Variants in TRPM3 observed in about 807,000 individuals in gnomAD.
TRPM3 encodes the protein transient receptor potential cation channel subfamily M member 3, also known as long transient receptor potential channel 3.
Under a neutral mutation model 181.2 loss-of-function variants are expected in TRPM3, and 77 were observed. The observed-to-expected ratio is 0.42, with a 90% CI of 0.35 to 0.51. TRPM3 has a LOEUF of 0.51. Ranked by LOEUF, TRPM3 falls within the 20% of genes least tolerant of loss-of-function variation. The pLI, the probability that TRPM3 is intolerant of heterozygous loss-of-function variation, is 0.01. For synonymous variants in TRPM3, 745 were observed against 796.4 expected (o/e 0.94, Z 1.09); for missense variants, 1,759 against 2,196.7 (o/e 0.80, Z 3.98).
At chr9:71,194,359 T>C (rs2078215067) in intron 1 of TRPM3, among the ~76,000 whole-genome samples, 2 of 151,904 alleles carry the variant, frequency 1.3e-5, no homozygotes, top group Non-Finnish European at 2.9e-5. Flanking sequence ...CCTTGATACA[T>C]AGCTAGACTA....
intron 1 of TRPM3, among the ~76,000 whole-genome samples, chr9:70,940,302 G>A (rs2096873053): frequency 1.3e-5 from 2 of 152,146 alleles, no homozygotes; most frequent in African/African-American, 4.8e-5. Flanking sequence ...CTACAAAGTC[G>A]TAAAGCTGGT....
chr9:71,272,156 A>G (rs532745513), intron 1 of TRPM3, among the ~76,000 whole-genome samples: 2 of 152,288 alleles, frequency 1.3e-5, no homozygotes, highest in African/African-American at 2.4e-5. Flanking sequence ...GTGTTTGGGT[A>G]TGGGGTTATG....
At position 70,940,079 on chromosome 9, in the gene TRPM3, C is replaced by G. The variant is rs184383373; in HGVS notation, c.178-75568G>C. 2.0e-3 allele frequency among the ~76,000 whole-genome samples: 301 copies of G among 152,216 alleles called. 1 individual carries two copies. The highest frequency in any genetic ancestry group is 7.0e-3 in the African/African-American group (290 of 41,540). ...TTAGGGTTCCTGCAGGTGCTGGAGC[C>G]CTTCCTTATAAGGAGCTTTTTATGT... is the stretch of plus-strand genomic sequence containing the variant. On this transcript the variant is annotated intron_variant, in intron 1 of 25. Coordinates refer to ENST00000677713, the MANE Select transcript of TRPM3 (RefSeq NM_001366145.2).
chr9:71,317,983 C>T (rs1565456592), intron 1 of TRPM3, among the ~76,000 whole-genome samples: 1 of 152,112 alleles, frequency 6.6e-6, no homozygotes, highest in Non-Finnish European at 1.5e-5. Flanking sequence ...TGAATGGTGT[C>T]TCATGCCTGT....
intron 6 of TRPM3, among the ~76,000 whole-genome samples, chr9:70,806,012 C>T (rs948387264): frequency 3.3e-5 from 5 of 152,180 alleles, no homozygotes; most frequent in African/African-American, 1.2e-4. Flanking sequence ...TTCAATCTTC[C>T]TCCCTGTTTT....
At chr9:70,849,987 G>A (rs936415319) in intron 3 of TRPM3, among the ~76,000 whole-genome samples, 4 of 151,952 alleles carry the variant, frequency 2.6e-5, no homozygotes, top group Admixed American at 6.6e-5. Flanking sequence ...AAAATAAACC[G>A]CACCATCAAG....
intron 6 of TRPM3, among the ~76,000 whole-genome samples, chr9:70,814,892 T>C (rs2092543900): frequency 6.6e-6 from 1 of 151,040 alleles, no homozygotes; most frequent in Non-Finnish European, 1.5e-5. Flanking sequence ...TCCCTCCCTC[T>C]TTCCCTCCCC....
intron 1 of TRPM3, among the ~76,000 whole-genome samples, chr9:71,381,529 G>A (rs2132874165): frequency 6.6e-6 from 1 of 152,270 alleles, no homozygotes; most frequent in Admixed American, 6.5e-5. Flanking sequence ...GATATCTGCG[G>A]CTGCATTAAA....
chr9:71,386,653 C>G lies in TRPM3; in HGVS notation c.183+60000G>C, dbSNP rs956229825. Among the ~76,000 whole-genome samples the G allele has an allele frequency of 3.9e-5, 6 of 151,960 alleles. 1 individual carries two copies. The highest frequency in any genetic ancestry group is 3.9e-4 in the Admixed American group (6 of 15,252). On this transcript the variant is annotated intron_variant, in intron 1 of 24. Transcript: ENST00000357533. ...TTGATTTTCATGCTGCAATGGTAATCCCTAAATAATTATTACTATATGATA... is the reference window on the plus strand; with the variant it reads ...TTGATTTTCATGCTGCAATGGTAATGCCTAAATAATTATTACTATATGATA...
intron 1 of TRPM3, among the ~76,000 whole-genome samples, chr9:71,060,678 TC>T (rs1272618612): frequency 6.6e-6 from 1 of 152,136 alleles, no homozygotes; most frequent in Non-Finnish European, 1.5e-5. Context: ...TTTGCTTGAC[TC>T]CTTTCTATCC....
intron 1 of TRPM3, among the ~76,000 whole-genome samples, chr9:71,365,674 C>A (rs2092312278): frequency 2.0e-5 from 3 of 152,246 alleles, no homozygotes; most frequent in Admixed American, 1.3e-4. Flanking sequence ...GGTATAATGA[C>A]AGAAGAATCT....
chr9:70,761,335 T>C, intron 8 of TRPM3: 1 of 625,886 alleles, frequency 1.6e-6, no homozygotes, highest in Non-Finnish European at 2.9e-6. Flanking sequence ...CTTCAACTCA[T>C]TTTGTTGAGG....
At chr9:71,054,992 A>G (rs1199993813) in intron 1 of TRPM3, among the ~76,000 whole-genome samples, 6 of 152,154 alleles carry the variant, frequency 3.9e-5, no homozygotes, top group Non-Finnish European at 8.8e-5. Context: ...AGCACTCAAC[A>G]AATGTTAACT....
At chr9:70,900,997 T>C (rs924891713) in intron 1 of TRPM3, among the ~76,000 whole-genome samples, 10 of 152,250 alleles carry the variant, frequency 6.6e-5, no homozygotes, top group Admixed American at 4.6e-4. Context: ...TTTTCTCTCA[T>C]TTGTTTTCAA....
chr9:71,230,374 A>G (rs2080973867), intron 1 of TRPM3, among the ~76,000 whole-genome samples: 1 of 152,174 alleles, frequency 6.6e-6, no homozygotes, highest in African/African-American at 2.4e-5. Context: ...ACAAAAAAAT[A>G]GAAAATATGA....
intron 7 of TRPM3, among the ~76,000 whole-genome samples, chr9:70,782,462 T>C (rs1483407859): frequency 6.6e-6 from 1 of 152,196 alleles, no homozygotes; most frequent in Non-Finnish European, 1.5e-5. Context: ...TCCACCCGCC[T>C]TGGCCTCCCA....
chr9:70,644,258 G>A (rs2058486778), intron 9 of TRPM3, among the ~76,000 whole-genome samples: 1 of 152,156 alleles, frequency 6.6e-6, no homozygotes, highest in Non-Finnish European at 1.5e-5. Flanking sequence ...GTGCTGTGAA[G>A]GAGCAGTGCC....
chr9:71,338,874 C>A (rs752364485), intron 1 of TRPM3, among the ~76,000 whole-genome samples: 1 of 152,072 alleles, frequency 6.6e-6, no homozygotes, highest in Non-Finnish European at 1.5e-5. Context: ...TTCACCTTTT[C>A]AATACTATTT....
upstream of TRPM3, among the ~76,000 whole-genome samples, chr9:71,122,238 C>A (rs562858269): frequency 4.5e-4 from 69 of 152,258 alleles, 1 homozygote; most frequent in African/African-American, 1.4e-3. Flanking sequence ...GGGTGTCCAC[C>A]CCCATCATTT....
Sources: allele counts gnomAD v4.1 joint callset (sites outside exome capture counted in the v4.1 genomes callset), GRCh38; gene constraint gnomAD v4.1.1; transcripts MANE v1.5; gene names NCBI Gene and HGNC (gene_info 2026-07-23, HGNC 2026-07-21).